Variants in CACNA2D1 observed in about 807,000 individuals in gnomAD.
CACNA2D1 encodes the protein voltage-dependent calcium channel subunit alpha-2/delta-1.
CACNA2D1 carries 53 observed loss-of-function variants against 171.5 expected under a neutral mutation model. The ratio of observed to expected loss-of-function variants is 0.31; its 90% CI spans 0.25 to 0.39. CACNA2D1 has a LOEUF of 0.39. Among genes scored for constraint, CACNA2D1 ranks in the 10% least tolerant of loss-of-function variants. CACNA2D1 has a pLI of 1.00. For synonymous variants in CACNA2D1, 442 were observed against 443.1 expected, an observed-to-expected ratio of 1.00 and a Z score of 0.03; for missense variants, 903 against 1,299.8, an observed-to-expected ratio of 0.69 and a Z score of 4.69.
At chr7:82,282,381 G>T (rs923859881) in intron 3 of CACNA2D1, among the ~76,000 whole-genome samples, 14 of 152,126 alleles carry the variant, frequency 9.2e-5, no homozygotes, top group African/African-American at 2.9e-4. Context: ...GGAAGTTGGG[G>T]AATATCGGAA....
chr7:82,327,643 G>A (rs1246838971), intron 3 of CACNA2D1, among the ~76,000 whole-genome samples: 1 of 152,198 alleles, frequency 6.6e-6, no homozygotes, highest in Non-Finnish European at 1.5e-5. Flanking sequence ...GATGGAGAAT[G>A]TGGTAGAGGT....
chr7:82,217,095 G>A lies in CACNA2D1; in HGVS notation c.295-46486C>T, dbSNP rs1002442054. On this transcript the variant is annotated intron_variant, in intron 3 of 38. Transcript: ENST00000356860. ...TTGACCAACTCCATTAACGACAGAA[G>A]CTCAGGATCTTTTTATTAGTATCAT... Among the ~76,000 whole-genome samples the A allele has an allele frequency of 3.3e-5, 5 of 151,882 alleles. No homozygotes were observed. The South Asian group carries it at 6.2e-4, about 19-fold the overall frequency.
intron 15 of CACNA2D1, among the ~76,000 whole-genome samples, chr7:82,008,595 T>C (rs1346336646): frequency 6.6e-6 from 1 of 152,158 alleles, no homozygotes; most frequent in African/African-American, 2.4e-5. Flanking sequence ...AAACTACATT[T>C]AACAAAATCA....
chr7:82,111,275 CAT>C (rs1358396917), intron 6 of CACNA2D1, among the ~76,000 whole-genome samples: 2 of 122,956 alleles, frequency 1.6e-5, no homozygotes, highest in East Asian at 4.4e-4. Flanking sequence ...TATACACACA[CAT>C]ATATATATGT....
At chr7:82,197,532 A>G (rs1045205805) in intron 3 of CACNA2D1, among the ~76,000 whole-genome samples, 2 of 152,102 alleles carry the variant, frequency 1.3e-5, no homozygotes, top group African/African-American at 4.8e-5. Flanking sequence ...TGAATTACAA[A>G]TGGTCTTTTT....
intron 4 of CACNA2D1, among the ~76,000 whole-genome samples, chr7:82,140,809 G>T (rs1451720626): frequency 6.6e-6 from 1 of 151,726 alleles, no homozygotes; most frequent in Non-Finnish European, 1.5e-5. Flanking sequence ...CAAAAAATTG[G>T]CAGGGCGTGG....
In CACNA2D1 at chr7:82,351,562, C is replaced by T. The variant is rs145115825; in HGVS notation, c.96-1913G>A. ...ATAAGGAAGAATACTTATTGAACCA[C>T]GCTGTATGAACAGGATAGAAAAAGG... On this transcript the variant is annotated intron_variant, in intron 1 of 38. Transcript: ENST00000356860. 3.3e-4 allele frequency among the ~76,000 whole-genome samples: 50 copies of T among 151,930 alleles called. 1 individual carries two copies. The East Asian group carries it at 6.9e-3, about 21-fold the overall frequency.
intron 1 of CACNA2D1, among the ~76,000 whole-genome samples, chr7:82,365,315 A>G (rs1488589356): frequency 6.6e-6 from 1 of 152,254 alleles, no homozygotes; most frequent in African/African-American, 2.4e-5. Context: ...CTTTTAAGGT[A>G]TACAATTTTC....
chr7:82,002,694 C>T (rs187866146), intron 18 of CACNA2D1, among the ~76,000 whole-genome samples: 8 of 152,112 alleles, frequency 5.3e-5, no homozygotes, highest in Admixed American at 3.9e-4. Context: ...TGACACAAAA[C>T]GGAAGAAAGT....
chr7:82,334,774 T>C (rs2129444285), intron 3 of CACNA2D1, among the ~76,000 whole-genome samples: 1 of 152,210 alleles, frequency 6.6e-6, no homozygotes, highest in South Asian at 2.1e-4. Context: ...CTAAAGAGGA[T>C]GATAATATTC....
intron 6 of CACNA2D1, among the ~76,000 whole-genome samples, chr7:82,116,584 G>A (rs1183459293): frequency 2.0e-5 from 3 of 152,044 alleles, no homozygotes; most frequent in African/African-American, 7.2e-5. Flanking sequence ...ACACAGACCG[G>A]GAGGGAAAAA....
intron 1 of CACNA2D1, among the ~76,000 whole-genome samples, chr7:82,431,649 A>G (rs1377615064): frequency 1.3e-5 from 2 of 152,210 alleles, no homozygotes; most frequent in Non-Finnish European, 2.9e-5. Context: ...AAGGAAATTC[A>G]AAAAAGTTCT....
chr7:82,203,898 C>T (rs543810535), intron 3 of CACNA2D1, among the ~76,000 whole-genome samples: 15 of 152,262 alleles, frequency 9.9e-5, no homozygotes, highest in South Asian at 4.1e-4. Flanking sequence ...CAAACTGGGA[C>T]GCACAGACAT....
intron 3 of CACNA2D1, among the ~76,000 whole-genome samples, chr7:82,197,060 A>G (rs967971316): frequency 6.6e-6 from 1 of 151,974 alleles, no homozygotes; most frequent in African/African-American, 2.4e-5. Flanking sequence ...AATTGTGGCT[A>G]GTTTAAGCAT....
At chr7:82,219,451 T>A (rs561620368) in intron 3 of CACNA2D1, among the ~76,000 whole-genome samples, 2 of 152,222 alleles carry the variant, frequency 1.3e-5, no homozygotes, top group Non-Finnish European at 2.9e-5. Context: ...CAAAAAATCA[T>A]TAACTTAAGA....
At chr7:82,308,310 G>A (rs1813987748) in intron 3 of CACNA2D1, among the ~76,000 whole-genome samples, 1 of 152,110 alleles carries the variant, frequency 6.6e-6, no homozygotes, top group South Asian at 2.1e-4. Context: ...AAAGAAACAT[G>A]AGAGTTACGG....
At chr7:82,291,361 T>G (rs1260997434) in intron 3 of CACNA2D1, among the ~76,000 whole-genome samples, 2 of 132,320 alleles carry the variant, frequency 1.5e-5, no homozygotes. Context: ...TATTTAGATA[T>G]ATAGATATCT....
chr7:82,020,491 A>G (rs1801051736), intron 12 of CACNA2D1, among the ~76,000 whole-genome samples: 1 of 152,126 alleles, frequency 6.6e-6, no homozygotes, highest in African/African-American at 2.4e-5. Context: ...AGTAAATATA[A>G]GGCATTAATA....
At chr7:81,980,543 C>T (rs1172687614) in intron 24 of CACNA2D1, among the ~76,000 whole-genome samples, 2 of 152,080 alleles carry the variant, frequency 1.3e-5, no homozygotes, top group African/African-American at 4.8e-5. Flanking sequence ...CACAGATAAT[C>T]ATAAAGACAA....
Sources: allele counts gnomAD v4.1 joint callset (sites outside exome capture counted in the v4.1 genomes callset), GRCh38; gene constraint gnomAD v4.1.1; transcripts MANE v1.5; gene names NCBI Gene and HGNC (gene_info 2026-07-23, HGNC 2026-07-21).